IL1RAPL2: variants seen among roughly 807,000 people sequenced by gnomAD.
The protein encoded by IL1RAPL2 is interleukin 1 receptor accessory protein like 2.
IL1RAPL2 carries 3 observed loss-of-function variants against 44.1 expected under a neutral mutation model. The observed-to-expected ratio is 0.07, with a 90% CI of 0.03 to 0.18. The LOEUF is 0.18. Among genes scored for constraint, IL1RAPL2 ranks in the 10% least tolerant of loss-of-function variants. The pLI, the probability that IL1RAPL2 is intolerant of heterozygous loss-of-function variation, is 1.00. For synonymous variants in IL1RAPL2, 181 were observed against 178.8 expected (o/e 1.01, Z -0.10); for missense variants, 391 against 496.4 (o/e 0.79, Z 2.02).
chrX:105,068,841 A>G (rs913454552), intron 2 of IL1RAPL2, among the ~76,000 whole-genome samples: 1 of 111,975 alleles, frequency 8.9e-6, no homozygotes, highest in African/African-American at 3.2e-5. Context: ...GGAAGCAAAA[A>G]ATTGTTTGCC....
chrX:105,650,806 T>G (rs2147843102), intron 6 of IL1RAPL2, among the ~76,000 whole-genome samples: 1 of 112,102 alleles, frequency 8.9e-6, no homozygotes, highest in South Asian at 3.7e-4. Context: ...AAGCTTCCTG[T>G]GTCAGTGACA....
At chrX:104,781,095 C>A (rs1439213758) in intron 2 of IL1RAPL2, among the ~76,000 whole-genome samples, 2 of 108,766 alleles carry the variant, frequency 1.8e-5, no homozygotes, top group African/African-American at 6.7e-5. Context: ...GTCAGAGAGA[C>A]TCCTATTTAC....
In IL1RAPL2 at chrX:104,995,690, G is replaced by A. The variant is rs188391068; in HGVS notation, c.83-199785G>A. On this transcript the variant is annotated intron_variant, in intron 2 of 10. Transcript: ENST00000372582. The stretch of plus-strand genomic sequence containing the variant: ...CTCCAATTTATCTTTATGATAGAAT[G>A]TGCAGAAAGTGCTACTTTTCTGTGT... Among the ~76,000 whole-genome samples, 19 of 111,932 alleles carry A rather than the reference G, an allele frequency of 1.7e-4. No individual in the cohort carries two copies. The East Asian group carries it at 5.4e-3, about 32-fold the overall frequency.
intron 2 of IL1RAPL2, among the ~76,000 whole-genome samples, chrX:105,038,208 T>C (rs888179784): frequency 3.0e-4 from 2 of 6,636 alleles, no homozygotes; most frequent in African/African-American, 1.3e-3. Context: ...ACTGAAACAG[T>C]TCCTATTAGA....
intron 2 of IL1RAPL2, among the ~76,000 whole-genome samples, chrX:105,131,530 TA>T (rs1355617771): frequency 9.1e-6 from 1 of 109,906 alleles, no homozygotes; most frequent in Non-Finnish European, 1.9e-5. Flanking sequence ...AACCTGTAAA[TA>T]TTTTTTTTTT....
intron 1 of IL1RAPL2, among the ~76,000 whole-genome samples, chrX:104,618,176 A>G (rs974328243): frequency 9.0e-6 from 1 of 111,489 alleles, no homozygotes; most frequent in African/African-American, 3.3e-5. Flanking sequence ...TTTGACCTAT[A>G]AGGTAGTTGA....
At chrX:105,411,250 G>C (rs2035693496) in intron 5 of IL1RAPL2, among the ~76,000 whole-genome samples, 1 of 111,576 alleles carries the variant, frequency 9.0e-6, no homozygotes, top group Admixed American at 9.5e-5. Flanking sequence ...GAGGAAGAAA[G>C]GAGCAAATGA....
At chrX:104,823,631 G>T (rs1218702453) in intron 2 of IL1RAPL2, among the ~76,000 whole-genome samples, 3 of 108,566 alleles carry the variant, frequency 2.8e-5, no homozygotes, top group Non-Finnish European at 3.8e-5. Flanking sequence ...GGGATGGCTG[G>T]GTCAAATGGT....
intron 2 of IL1RAPL2, among the ~76,000 whole-genome samples, chrX:105,071,106 T>C (rs1187134896): frequency 1.8e-5 from 2 of 111,415 alleles, no homozygotes; most frequent in Admixed American, 1.9e-4. Flanking sequence ...AATGAAATTT[T>C]CTCTGTAGAC....
intron 1 of IL1RAPL2, among the ~76,000 whole-genome samples, chrX:104,657,170 A>C (rs1215932035): frequency 9.0e-6 from 1 of 111,222 alleles, no homozygotes; most frequent in Non-Finnish European, 1.9e-5. Flanking sequence ...CATTTAGTCC[A>C]TTTACATTTA....
At chrX:104,626,407 GT>G (rs1295952985) in intron 1 of IL1RAPL2, among the ~76,000 whole-genome samples, 1 of 109,669 alleles carries the variant, frequency 9.1e-6, no homozygotes. Context: ...CAGATGGTTT[GT>G]TTTTTATTTT....
chrX:104,907,043 G>T (rs1924036439), intron 2 of IL1RAPL2, among the ~76,000 whole-genome samples: 2 of 110,883 alleles, frequency 1.8e-5, no homozygotes, highest in African/African-American at 3.3e-5. Context: ...GAGTGTATGT[G>T]TTGAGGAATT....
intron 2 of IL1RAPL2, among the ~76,000 whole-genome samples, chrX:105,145,489 T>A (rs1283385433): frequency 3.6e-5 from 4 of 111,748 alleles, no homozygotes; most frequent in African/African-American, 1.3e-4. Flanking sequence ...GATTATTTAC[T>A]AAGAATAGCA....
chrX:104,780,255 C>T (rs1015014829), intron 2 of IL1RAPL2, among the ~76,000 whole-genome samples: 2 of 111,792 alleles, frequency 1.8e-5, no homozygotes, highest in Admixed American at 9.5e-5. Context: ...TCTGGGGATA[C>T]CTAAGCCATA....
chrX:104,721,153 A>G (rs1316841026), intron 2 of IL1RAPL2, among the ~76,000 whole-genome samples: 4 of 111,640 alleles, frequency 3.6e-5, no homozygotes, highest in African/African-American at 1.3e-4. Context: ...CAGGAATACT[A>G]TTTGACTGAG....
At chrX:104,839,482 T>A (rs1461227628) in intron 2 of IL1RAPL2, among the ~76,000 whole-genome samples, 1 of 111,893 alleles carries the variant, frequency 8.9e-6, no homozygotes, top group Non-Finnish European at 1.9e-5. Flanking sequence ...CTGGACTCAG[T>A]TTGCCAGTAT....
intron 5 of IL1RAPL2, among the ~76,000 whole-genome samples, chrX:105,480,292 G>A (rs1472214248): frequency 8.9e-6 from 1 of 111,899 alleles, no homozygotes; most frequent in Non-Finnish European, 1.9e-5. Flanking sequence ...TAAAATCATT[G>A]CCTATCATGG....
chrX:104,866,834 A>G (rs1165474204), intron 2 of IL1RAPL2, among the ~76,000 whole-genome samples: 1 of 111,476 alleles, frequency 9.0e-6, no homozygotes, highest in African/African-American at 3.3e-5. Context: ...ATGACAGATA[A>G]TTTAAAAATT....
At chrX:104,721,857 G>A (rs949400330) in intron 2 of IL1RAPL2, among the ~76,000 whole-genome samples, 2 of 111,436 alleles carry the variant, frequency 1.8e-5, no homozygotes, top group Non-Finnish European at 3.8e-5. Context: ...TTTTCACACA[G>A]ATAGGTTTGA....
Sources: gnomAD v4.1 joint callset for allele counts (sites outside exome capture counted in the v4.1 genomes callset) on GRCh38, gnomAD v4.1.1 for gene constraint, MANE v1.5 for transcripts, NCBI Gene and HGNC (gene_info 2026-07-23, HGNC 2026-07-21) for gene names.